Variants in PHTF2 observed in about 807,000 individuals in gnomAD.
PHTF2 encodes putative homeodomain transcription factor 2.
Under a neutral mutation model 101.2 loss-of-function variants are expected in PHTF2, and 60 were observed. The observed-to-expected ratio is 0.59, with a 90% CI of 0.48 to 0.73. The LOEUF is 0.73. Ranked by LOEUF, PHTF2 falls within the 30% of genes least tolerant of loss-of-function variation. PHTF2 has a pLI of 0.00. For missense variants in PHTF2, 747 were observed against 908.7 expected, an observed-to-expected ratio of 0.82 and a Z score of 2.29; for synonymous variants, 311 against 307.3, an observed-to-expected ratio of 1.01 and a Z score of -0.13.
intron 9 of PHTF2, among the ~76,000 whole-genome samples, chr7:77,913,812 G>C (rs1227203602): frequency 6.6e-6 from 1 of 152,104 alleles, no homozygotes; most frequent in African/African-American, 2.4e-5. Context: ...AAAAGTGACA[G>C]GAATCTTAAA....
intron 8 of PHTF2, 84 bp from the exon 8 acceptor site, chr7:77,910,161 T>C (rs1802245858): frequency 8.9e-7 from 1 of 1,123,828 alleles, no homozygotes; most frequent in Non-Finnish European, 1.3e-6. Context: ...GTGTTTATGT[T>C]TTCCAAAATT....
intron 1 of PHTF2, among the ~76,000 whole-genome samples, chr7:77,838,061 G>C (rs1426473685): frequency 6.6e-6 from 1 of 152,148 alleles, no homozygotes; most frequent in Non-Finnish European, 1.5e-5. Flanking sequence ...TAGTTTGCTT[G>C]AGGGGATAGG....
chr7:77,934,821 C>T (rs1036035237), intron 12 of PHTF2, among the ~76,000 whole-genome samples: 5 of 151,738 alleles, frequency 3.3e-5, no homozygotes, highest in African/African-American at 1.2e-4. Flanking sequence ...GTGGTGGGCA[C>T]GGTGGCAGGC....
intron 1 of PHTF2, among the ~76,000 whole-genome samples, chr7:77,817,821 A>G (rs1414376391): frequency 6.6e-6 from 1 of 152,054 alleles, no homozygotes; most frequent in Non-Finnish European, 1.5e-5. Flanking sequence ...AAAAAGTTTG[A>G]GTTCCGGGCC....
intron 1 of PHTF2, among the ~76,000 whole-genome samples, chr7:77,828,778 G>T (rs1794871347): frequency 6.6e-6 from 1 of 152,178 alleles, no homozygotes; most frequent in Non-Finnish European, 1.5e-5. Flanking sequence ...TGAGGCACAA[G>T]AATTGCTTGA....
intron 3 of PHTF2, among the ~76,000 whole-genome samples, chr7:77,876,201 A>G (rs1798931349): frequency 6.6e-6 from 1 of 152,162 alleles, no homozygotes; most frequent in African/African-American, 2.4e-5. Flanking sequence ...GAGAAATGGC[A>G]TTAAATTTGT....
chr7:77,895,086 G>A (rs565641264), intron 5 of PHTF2: 20 of 446,998 alleles, frequency 4.5e-5, no homozygotes, highest in South Asian at 1.3e-4. Flanking sequence ...AAGGATGATA[G>A]GAAATACTGG....
At chr7:77,907,069 T>TG (rs1801935571) in intron 7 of PHTF2, among the ~76,000 whole-genome samples, 1 of 152,184 alleles carries the variant, frequency 6.6e-6, no homozygotes, top group South Asian at 2.1e-4. Flanking sequence ...GTATGTATGC[T>TG]GTGTACTATG....
At chr7:77,946,320 A>C (rs1326522103) in intron 16 of PHTF2, among the ~76,000 whole-genome samples, 1 of 152,234 alleles carries the variant, frequency 6.6e-6, no homozygotes, top group Admixed American at 6.5e-5. Context: ...ATTTGGAGCA[A>C]GCATTATACA....
chr7:77,862,084 G>GA (rs1240412087), intron 3 of PHTF2, among the ~76,000 whole-genome samples: 2 of 148,568 alleles, frequency 1.3e-5, no homozygotes, highest in African/African-American at 5.0e-5. Flanking sequence ...AGGAAAAATA[G>GA]AAAAAAATAC....
At chr7:77,940,565 C>A in exon 15 of PHTF2, 1 of 1,608,834 alleles carries the variant, frequency 6.2e-7, no homozygotes, top group South Asian at 1.1e-5. Flanking sequence ...CATTTAACAT[C>A]TGCAAGGAGG....
At chr7:77,898,315 C>T (rs1246216671) in intron 5 of PHTF2, among the ~76,000 whole-genome samples, 2 of 152,058 alleles carry the variant, frequency 1.3e-5, no homozygotes, top group Non-Finnish European at 2.9e-5. Context: ...AATAAGGTTA[C>T]TTTCAAGTTG....
intron 14 of PHTF2, 72 bp from the exon 14 acceptor site, chr7:77,940,456 T>C: frequency 7.4e-7 from 1 of 1,360,108 alleles, no homozygotes. Flanking sequence ...ATCTTAACAA[T>C]TCATATTTTG....
At chr7:77,923,763 G>C in intron 11 of PHTF2, 1 of 984,910 alleles carries the variant, frequency 1.0e-6, no homozygotes, top group Non-Finnish European at 1.2e-6. Flanking sequence ...AAGGGAGACG[G>C]AGGGCTGTTT....
rs71082798 is a variant in PHTF2 at position 77,947,837 on chromosome 7, C to CTTT, written c.1960-1825_1960-1823dup. Among the ~76,000 whole-genome samples the CTTT allele has an allele frequency of 1.2e-4, 9 of 73,802 alleles. 1 individual carries two copies. Among genetic ancestry groups the CTTT allele is most frequent in the Admixed American group, 2.0e-4 (1 of 5,046 alleles). 48.4% of individuals were successfully genotyped at this position (73,802 alleles called of 152,430 possible). A position where few individuals can be genotyped will look rare whatever the true frequency, so the allele number is the denominator to read the frequency against. ...TTATTTTCTTTTTTCTTTTTTCTTT[C>CTTT]TTTTTTTTTTTTTTTTTTGAGACAG... On this transcript the variant is annotated intron_variant, in intron 16 of 19. Coordinates refer to ENST00000416283, the Ensembl canonical transcript of PHTF2.
At position 77,878,415 on chromosome 7, in the gene PHTF2, A is replaced by C. The variant is rs74914547; in HGVS notation, c.148-15193A>C. Among the ~76,000 whole-genome samples the C allele has an allele frequency of 8.3e-3, 1,267 of 152,046 alleles. 23 individuals are homozygous for C. The highest frequency in any genetic ancestry group is 0.029 in the African/African-American group (1,198 of 41,438). On this transcript the variant is annotated intron_variant, in intron 3 of 19. Transcript: ENST00000416283. ...GGGTCCGAAAAATACCTCAAACACC[A>C]ATTTTAGTTTTACAATAGTGATGTT...
chr7:77,815,927 T>C (rs1485160597), intron 1 of PHTF2, among the ~76,000 whole-genome samples: 1 of 152,238 alleles, frequency 6.6e-6, no homozygotes, highest in Admixed American at 6.5e-5. Flanking sequence ...TTTTTGTTGT[T>C]TTTTTCCGTT....
chr7:77,829,927 T>C (rs1199132394), intron 1 of PHTF2, among the ~76,000 whole-genome samples: 2 of 152,230 alleles, frequency 1.3e-5, no homozygotes, highest in Non-Finnish European at 2.9e-5. Flanking sequence ...TACCCTTTAA[T>C]GTTATGAAAA....
intron 3 of PHTF2, among the ~76,000 whole-genome samples, chr7:77,884,342 C>A (rs1799647868): frequency 3.3e-5 from 5 of 152,142 alleles, no homozygotes; most frequent in African/African-American, 9.6e-5. Flanking sequence ...GAGTAGTGTA[C>A]CTTGTACCCA....
Sources: gnomAD v4.1 joint callset for allele counts (sites outside exome capture counted in the v4.1 genomes callset) on GRCh38, gnomAD v4.1.1 for gene constraint, MANE v1.5 for transcripts, NCBI Gene and HGNC (gene_info 2026-07-23, HGNC 2026-07-21) for gene names.